Variants in KCND3 observed in about 807,000 individuals in gnomAD.
The protein encoded by KCND3 is potassium voltage-gated channel subfamily D member 3, also known as A-type voltage-gated potassium channel KCND3.
Under a neutral mutation model 51.1 loss-of-function variants are expected in KCND3, and 9 were observed. That is an observed-to-expected ratio of 0.18 (90% CI 0.11 to 0.31). The LOEUF is 0.31. Ranked by LOEUF, KCND3 falls within the 10% of genes least tolerant of loss-of-function variation. The pLI, the probability that KCND3 is intolerant of heterozygous loss-of-function variation, is 1.00. For synonymous variants in KCND3, 349 were observed against 368.0 expected (o/e 0.95, Z 0.59); for missense variants, 526 against 903.8 (o/e 0.58, Z 5.36).
chr1:111,928,679 G>A (rs1671824254), intron 2 of KCND3, among the ~76,000 whole-genome samples: 1 of 152,250 alleles, frequency 6.6e-6, no homozygotes, highest in African/African-American at 2.4e-5. Context: ...AGAAGCTGCT[G>A]TGAAGGCAAC....
chr1:111,820,990 A>T (rs563214302), intron 2 of KCND3, among the ~76,000 whole-genome samples: 2 of 152,312 alleles, frequency 1.3e-5, no homozygotes, highest in African/African-American at 4.8e-5. Flanking sequence ...TTAACCTTGG[A>T]CTTCCAGCCT....
chr1:111,906,852 T>C (rs1198998122), intron 2 of KCND3, among the ~76,000 whole-genome samples: 2 of 152,216 alleles, frequency 1.3e-5, no homozygotes, highest in African/African-American at 4.8e-5. Context: ...CTTCCCAAGC[T>C]TCCCATGCTC....
At chr1:111,976,574 G>A (rs906902762) in intron 2 of KCND3, among the ~76,000 whole-genome samples, 3 of 152,236 alleles carry the variant, frequency 2.0e-5, no homozygotes, top group Non-Finnish European at 2.9e-5. Flanking sequence ...AATCATGCAT[G>A]ATCTCTGGAA....
At chr1:111,886,024 T>C (rs964360701) in intron 2 of KCND3, among the ~76,000 whole-genome samples, 1 of 152,198 alleles carries the variant, frequency 6.6e-6, no homozygotes, top group African/African-American at 2.4e-5. Flanking sequence ...GTAATGTAAT[T>C]AAAAACAGAA....
intron 2 of KCND3, among the ~76,000 whole-genome samples, chr1:111,817,476 A>T (rs530862699): frequency 6.6e-6 from 1 of 152,242 alleles, no homozygotes; most frequent in Non-Finnish European, 1.5e-5. Context: ...ATTATAGCAC[A>T]GACCCGACAC....
At chr1:111,889,764 T>C (rs1669742648) in intron 2 of KCND3, among the ~76,000 whole-genome samples, 1 of 151,456 alleles carries the variant, frequency 6.6e-6, no homozygotes, top group African/African-American at 2.4e-5. Context: ...CAAAATGGGG[T>C]AGGGGAACAA....
intron 2 of KCND3, among the ~76,000 whole-genome samples, chr1:111,824,073 C>T (rs1440978147): frequency 7.0e-6 from 1 of 142,980 alleles, no homozygotes; most frequent in Non-Finnish European, 1.5e-5. Flanking sequence ...AAACTAAAAA[C>T]ATTTTTAGTT....
chr1:111,839,378 A>G (rs1311844445), intron 2 of KCND3, among the ~76,000 whole-genome samples: 3 of 152,250 alleles, frequency 2.0e-5, no homozygotes, highest in Non-Finnish European at 4.4e-5. Flanking sequence ...CCAGTTCTCC[A>G]CACAGGTAGG....
chr1:111,941,298 C>T (rs902149848), intron 2 of KCND3, among the ~76,000 whole-genome samples: 2 of 152,132 alleles, frequency 1.3e-5, no homozygotes, highest in African/African-American at 2.4e-5. Context: ...AATCTGGTGC[C>T]TTCTGCTGGT....
intron 2 of KCND3, among the ~76,000 whole-genome samples, chr1:111,958,337 T>G (rs1673444465): frequency 6.6e-6 from 1 of 152,196 alleles, no homozygotes; most frequent in African/African-American, 2.4e-5. Flanking sequence ...GACCCTGAGC[T>G]GCAGCCAAGG....
chr1:111,967,154 CAAAAACAAAAAA>C (rs931181674), intron 2 of KCND3, among the ~76,000 whole-genome samples: 1 of 141,766 alleles, frequency 7.1e-6, no homozygotes, highest in Non-Finnish European at 1.5e-5. Context: ...AAAAAAAAAA[CAAAAACAAAAAA>C]AAAAACAAAA....
chr1:111,869,792 G>C (rs1668750282), intron 2 of KCND3, among the ~76,000 whole-genome samples: 1 of 152,162 alleles, frequency 6.6e-6, no homozygotes, highest in Non-Finnish European at 1.5e-5. Flanking sequence ...GAAGACCACG[G>C]GTCTTTACTG....
At chr1:111,956,455 TTAAG>T in intron 2 of KCND3, among the ~76,000 whole-genome samples, 1 of 152,334 alleles carries the variant, frequency 6.6e-6, no homozygotes, top group East Asian at 1.9e-4. Context: ...TTGATCATAA[TTAAG>T]TTTCTCTCAG....
At chr1:111,875,071 C>T (rs1056127124) in intron 2 of KCND3, among the ~76,000 whole-genome samples, 3 of 152,122 alleles carry the variant, frequency 2.0e-5, no homozygotes, top group African/African-American at 7.2e-5. Flanking sequence ...TCCAGAGGGG[C>T]CATGGTGGCT....
chr1:111,790,772 T>C (rs979008590), intron 2 of KCND3, among the ~76,000 whole-genome samples: 6 of 152,218 alleles, frequency 3.9e-5, no homozygotes, highest in Admixed American at 3.9e-4. Context: ...CGAATCTACT[T>C]TCCGTCTCTA....
At chr1:111,929,649 GA>G (rs1000221441) in intron 2 of KCND3, among the ~76,000 whole-genome samples, 13 of 152,354 alleles carry the variant, frequency 8.5e-5, no homozygotes, top group African/African-American at 3.1e-4. Flanking sequence ...AAAAGTGTGT[GA>G]AGAGGACGCT....
At chr1:111,928,347 C>T (rs965785959) in intron 2 of KCND3, among the ~76,000 whole-genome samples, 3 of 152,168 alleles carry the variant, frequency 2.0e-5, no homozygotes, top group African/African-American at 2.4e-5. Context: ...GGAGTCTCAG[C>T]TGATGGGATA....
chr1:111,964,114 C>T (rs1041179600), intron 2 of KCND3, among the ~76,000 whole-genome samples: 2 of 152,192 alleles, frequency 1.3e-5, no homozygotes, highest in Admixed American at 6.5e-5. Flanking sequence ...ACTTACATGC[C>T]ATTATGGCTG....
Position 111,775,834 on chromosome 1 carries a change from CT to C in KCND3, c.*242del. ...CCTATCCCCGACCCCCCCACCCTCC[CT>C]CCCTTCCTCTGGCCCCAGTGAGATG... On this transcript the variant is annotated 3_prime_UTR_variant, in exon 8 of 8. Transcript: ENST00000302127. The C allele has an allele frequency of 1.3e-4, 21 of 161,132 alleles. No individual in the cohort carries two copies. The highest frequency in any genetic ancestry group is 3.2e-4 in the Admixed American group (5 of 15,852). The allele number at this position is 161,132 out of a possible 1,614,324, so 10.0% of individuals were successfully genotyped here. A position where few individuals can be genotyped will look rare whatever the true frequency, so the allele number is the denominator to read the frequency against.
Sources: gnomAD v4.1 joint callset for allele counts (sites outside exome capture counted in the v4.1 genomes callset) on GRCh38, gnomAD v4.1.1 for gene constraint, MANE v1.5 for transcripts, NCBI Gene and HGNC (gene_info 2026-07-23, HGNC 2026-07-21) for gene names.